Variants in FYB1 observed in about 807,000 individuals in gnomAD.
FYB1 encodes FYN-binding protein 1.
A neutral mutation model predicts 94.1 loss-of-function variants in FYB1; 41 were observed. That is an observed-to-expected ratio of 0.44 (90% CI 0.34 to 0.57). FYB1 has a LOEUF of 0.57. Among genes scored for constraint, FYB1 ranks in the 20% least tolerant of loss-of-function variants. The pLI, the probability that FYB1 is intolerant of heterozygous loss-of-function variation, is 0.02. For synonymous variants in FYB1, 367 were observed against 353.2 expected (o/e 1.04, Z -0.44); for missense variants, 1,050 against 976.8 (o/e 1.07, Z -1.00).
At chr5:39,179,160 G>T (rs1482629253) in intron 2 of FYB1, among the ~76,000 whole-genome samples, 1 of 152,138 alleles carries the variant, frequency 6.6e-6, no homozygotes, top group African/African-American at 2.4e-5. Flanking sequence ...ACCATATACG[G>T]TAGGCAGCGC....
intron 16 of FYB1, 120 bp downstream of exon 16, chr5:39,118,754 G>A: frequency 3.5e-6 from 2 of 575,248 alleles, no homozygotes; most frequent in South Asian, 1.1e-4. Flanking sequence ...AATTTACAAA[G>A]GATAGGGCAA....
intron 1 of FYB1, among the ~76,000 whole-genome samples, chr5:39,234,764 C>T (rs566137250): frequency 3.9e-5 from 6 of 152,054 alleles, no homozygotes; most frequent in African/African-American, 7.2e-5. Context: ...AAGCTGGAAA[C>T]CATCATTCTC....
chr5:39,127,655 C>A, intron 11 of FYB1, 86 bp downstream of exon 11: 1 of 1,402,960 alleles, frequency 7.1e-7, no homozygotes, highest in Non-Finnish European at 9.4e-7. Flanking sequence ...ACACTATTTT[C>A]CGCTTTTTAT....
intron 2 of FYB1, among the ~76,000 whole-genome samples, chr5:39,179,438 A>G (rs1746018337): frequency 6.6e-6 from 1 of 152,136 alleles, no homozygotes; most frequent in Admixed American, 6.5e-5. Flanking sequence ...AAGTACATAC[A>G]GTTTATCTTT....
At chr5:39,239,441 T>C (rs560230520) in intron 1 of FYB1, among the ~76,000 whole-genome samples, 1 of 152,156 alleles carries the variant, frequency 6.6e-6, no homozygotes, top group South Asian at 2.1e-4. Context: ...AGCTCCTAGA[T>C]CTGATAAACA....
intron 1 of FYB1, among the ~76,000 whole-genome samples, chr5:39,217,696 G>C (rs552452811): frequency 6.6e-6 from 1 of 152,236 alleles, no homozygotes; most frequent in African/African-American, 2.4e-5. Context: ...CTTGATTCTG[G>C]AGTCACAGTC....
chr5:39,161,873 T>C (rs1051864017), intron 2 of FYB1, among the ~76,000 whole-genome samples: 1 of 152,244 alleles, frequency 6.6e-6, no homozygotes, highest in Non-Finnish European at 1.5e-5. Flanking sequence ...CTTGCTGCCA[T>C]AGGCAGCCAA....
chr5:39,116,491 A>G (rs1183703148), intron 16 of FYB1, among the ~76,000 whole-genome samples: 1 of 152,224 alleles, frequency 6.6e-6, no homozygotes, highest in Non-Finnish European at 1.5e-5. Context: ...AAGATGACAC[A>G]TTCTAAGAGG....
chr5:39,119,525 T>C lies in FYB1; in HGVS notation c.2238+10A>G. ...CTTTGTACTTTGTATAATATTTAGA[T>C]ATGACATACTTTAAATTTTTTCCTG... On this transcript the variant is annotated intron_variant, in intron 15 of 18. Transcript: ENST00000512982. 1 of 1,511,252 alleles carries C rather than the reference T, an allele frequency of 6.6e-7. No individual in the cohort carries two copies. Among genetic ancestry groups the C allele is most frequent in the Non-Finnish European group, 8.9e-7 (1 of 1,122,202 alleles). 93.6% of individuals were successfully genotyped at this position (1,511,252 alleles called of 1,614,324 possible).
At chr5:39,141,888 A>ACT (rs1291315562) in intron 3 of FYB1, among the ~76,000 whole-genome samples, 2 of 151,102 alleles carry the variant, frequency 1.3e-5, no homozygotes, top group Admixed American at 6.6e-5. Context: ...AAAAAAAAAA[A>ACT]ACTTACATAG....
chr5:39,138,776 G>A (rs756944383), intron 5 of FYB1, 85 bp from the exon 6 acceptor site: 2 of 795,790 alleles, frequency 2.5e-6, no homozygotes, highest in South Asian at 3.1e-5. Context: ...TTAAAATGAA[G>A]GCAACAATGT....
intron 2 of FYB1, among the ~76,000 whole-genome samples, chr5:39,177,487 C>T (rs1181266983): frequency 6.6e-6 from 1 of 152,142 alleles, no homozygotes; most frequent in African/African-American, 2.4e-5. Flanking sequence ...GAGTTGGGCC[C>T]AGGACTGAAT....
chr5:39,198,599 C>A (rs1005211926), intron 2 of FYB1, among the ~76,000 whole-genome samples: 7 of 151,950 alleles, frequency 4.6e-5, no homozygotes. Flanking sequence ...TCAGTAGAAA[C>A]CATGGTACAG....
Position 39,203,089 on chromosome 5 carries a change from G to A in FYB1, c.-27-102C>T, listed in dbSNP as rs186122702. On this transcript the variant is annotated intron_variant, in intron 1 of 18. Transcript: ENST00000512982. Reference sequence around the variant, plus strand: ...AGCTTCCTGGTTTGAGGCCTGCAGCGTTGCTGATTGGTTAGCAAGATATTG... The same window carrying A: ...AGCTTCCTGGTTTGAGGCCTGCAGCATTGCTGATTGGTTAGCAAGATATTG... 6.7e-5 allele frequency: 63 copies of A among 946,066 alleles called. No individual in the cohort carries two copies. In the African/African-American group the frequency reaches 7.6e-4, roughly 11 times the overall value. 58.6% of individuals were successfully genotyped at this position (946,066 alleles called of 1,614,324 possible). A position where few individuals can be genotyped will look rare whatever the true frequency, so the allele number is the denominator to read the frequency against.
rs142729252 is a variant in FYB1 at position 39,204,599 on chromosome 5, C to T, written c.-27-1612G>A. 2.8e-3 allele frequency among the ~76,000 whole-genome samples: 428 copies of T among 152,244 alleles called. 3 individuals are homozygous for T. Among genetic ancestry groups the T allele is most frequent in the African/African-American group, 9.9e-3 (413 of 41,526 alleles). ...TCAGGTGTATCTGGGGCTCTGAAGT[C>T]CAGAAAATGTCTCATTTCTTTTTGT... is the stretch of plus-strand genomic sequence containing the variant. On this transcript the variant is annotated intron_variant, in intron 1 of 18. Transcript: ENST00000512982.
chr5:39,226,165 T>C (rs77826288), intron 1 of FYB1, among the ~76,000 whole-genome samples: 1,806 of 152,300 alleles, frequency 0.012, 29 homozygotes, highest in African/African-American at 0.038. Flanking sequence ...GACTTACATG[T>C]TCATGTGTAA....
rs1579655016 is a variant in FYB1 at position 39,201,445 on chromosome 5, A to G, written c.1135+381T>C. 2.0e-5 allele frequency among the ~76,000 whole-genome samples: 3 copies of G among 152,208 alleles called. 1 individual carries two copies. The highest frequency in any genetic ancestry group is 3.8e-4 in the East Asian group (2 of 5,198). ...CCTTTGGGAACTGCTGACCTACAGGATAGCTCATTTTCTGTCTAACTCCTC... is the reference window on the plus strand; with the variant it reads ...CCTTTGGGAACTGCTGACCTACAGGGTAGCTCATTTTCTGTCTAACTCCTC... On this transcript the variant is annotated intron_variant, in intron 2 of 18. Transcript: ENST00000512982.
At chr5:39,271,720 G>T (rs1287433601) in intron 1 of FYB1, among the ~76,000 whole-genome samples, 1 of 152,184 alleles carries the variant, frequency 6.6e-6, no homozygotes, top group African/African-American at 2.4e-5. Context: ...CAGGGTAGGG[G>T]TTGAGTTCCA....
intron 3 of FYB1, among the ~76,000 whole-genome samples, chr5:39,146,364 A>T (rs1468032447): frequency 4.6e-5 from 7 of 152,076 alleles, no homozygotes; most frequent in Non-Finnish European, 1.5e-5. Context: ...TTATGGGGTA[A>T]TTGCTTCAGG....
Sources: allele counts gnomAD v4.1 joint callset (sites outside exome capture counted in the v4.1 genomes callset), GRCh38; gene constraint gnomAD v4.1.1; transcripts MANE v1.5; gene names NCBI Gene and HGNC (gene_info 2026-07-23, HGNC 2026-07-21).